The following CCDC148 variants were observed in gnomAD, a reference collection of about 807,000 sequenced individuals.
CCDC148 encodes coiled-coil domain-containing protein 148.
Under a neutral mutation model 85.7 loss-of-function variants are expected in CCDC148, and 89 were observed. The observed-to-expected ratio is 1.04, with a 90% CI of 0.87 to 1.24. CCDC148 has a LOEUF of 1.24. CCDC148 is among the 50% of genes most tolerant of loss of function. The pLI is 0.00. For missense variants in CCDC148, 692 were observed against 671.7 expected (o/e 1.03, Z -0.33); for synonymous variants, 230 against 213.9 (o/e 1.08, Z -0.66).
intron 3 of CCDC148, among the ~76,000 whole-genome samples, chr2:158,342,003 T>G (rs923274618): frequency 1.3e-5 from 2 of 149,480 alleles, no homozygotes; most frequent in South Asian, 4.2e-4. Context: ...TTCCATTTTA[T>G]GTACGTGTCA....
chr2:158,440,368 C>CTGTACATAAAA (rs1687879499), intron 1 of CCDC148, among the ~76,000 whole-genome samples: 1 of 152,076 alleles, frequency 6.6e-6, no homozygotes, highest in Admixed American at 6.5e-5. Flanking sequence ...TCCAAAAAAA[C>CTGTACATAAAA]TGTACATAAA....
At chr2:158,227,511 C>G (rs967621478) in intron 10 of CCDC148, among the ~76,000 whole-genome samples, 4 of 152,076 alleles carry the variant, frequency 2.6e-5, no homozygotes, top group African/African-American at 9.7e-5. Flanking sequence ...CAATCCTAAG[C>G]CAAAAGAACA....
chr2:158,230,947 G>C (rs898521184), intron 10 of CCDC148, among the ~76,000 whole-genome samples: 22 of 152,242 alleles, frequency 1.4e-4, no homozygotes, highest in Admixed American at 3.3e-4. Flanking sequence ...GGTGATACTA[G>C]TAACTGAGAT....
chr2:158,287,070 A>C (rs910249857), intron 9 of CCDC148, among the ~76,000 whole-genome samples: 28 of 152,166 alleles, frequency 1.8e-4, no homozygotes, highest in African/African-American at 6.8e-4. Flanking sequence ...AAAATCAGGA[A>C]GAAGCAAAAG....
chr2:158,385,244 C>T (rs974898002), intron 1 of CCDC148, among the ~76,000 whole-genome samples: 3 of 152,138 alleles, frequency 2.0e-5, no homozygotes, highest in Non-Finnish European at 2.9e-5. Flanking sequence ...GATCAACTAT[C>T]AGGAACCTTA....
At position 158,340,597 on chromosome 2, in the gene CCDC148, C is replaced by A; in HGVS notation, c.334+1G>T. Reference sequence around the variant, plus strand: ...TAAATATAGGATCAAAAAAATCTTACCAAAATTTGTAAGGTCACAAAGACA... The same window carrying A: ...TAAATATAGGATCAAAAAAATCTTAACAAAATTTGTAAGGTCACAAAGACA... On this transcript the variant is annotated splice_donor_variant, in intron 4 of 13. Coordinates refer to ENST00000283233, the MANE Select transcript of CCDC148 (RefSeq NM_138803.4). LOFTEE classifies it high-confidence loss of function. 8 of 1,575,280 alleles carry A rather than the reference C, an allele frequency of 5.1e-6. No homozygotes were observed. Among genetic ancestry groups the A allele is most frequent in the Non-Finnish European group, 6.9e-6 (8 of 1,158,922 alleles).
At chr2:158,369,844 C>T (rs894548024) in intron 1 of CCDC148, among the ~76,000 whole-genome samples, 3 of 152,084 alleles carry the variant, frequency 2.0e-5, no homozygotes, top group African/African-American at 7.2e-5. Flanking sequence ...AGGTATGTTT[C>T]ATCAATACAT....
chr2:158,362,463 G>T (rs932989772), intron 1 of CCDC148, among the ~76,000 whole-genome samples: 1 of 149,370 alleles, frequency 6.7e-6, no homozygotes, highest in Non-Finnish European at 1.5e-5. Flanking sequence ...GGATATTATA[G>T]CAGTCTCTCA....
chr2:158,179,893 C>T (rs1558960869), intron 11 of CCDC148, among the ~76,000 whole-genome samples: 1 of 152,114 alleles, frequency 6.6e-6, no homozygotes, highest in Admixed American at 6.5e-5. Flanking sequence ...TATTTCCAAC[C>T]CCCTTAAAAT....
intron 11 of CCDC148, among the ~76,000 whole-genome samples, chr2:158,191,492 C>T (rs188444536): frequency 1.8e-4 from 27 of 152,060 alleles, no homozygotes; most frequent in Admixed American, 1.5e-3. Context: ...CAAACGCCTT[C>T]GGGGTTTTTT....
At chr2:158,395,864 T>C (rs1397597473) in intron 1 of CCDC148, among the ~76,000 whole-genome samples, 1 of 152,132 alleles carries the variant, frequency 6.6e-6, no homozygotes, top group Non-Finnish European at 1.5e-5. Flanking sequence ...TTAAATAAAA[T>C]AGCTATACAA....
At chr2:158,456,066 G>A (rs1688685406) in intron 1 of CCDC148, among the ~76,000 whole-genome samples, 1 of 152,178 alleles carries the variant, frequency 6.6e-6, no homozygotes, top group African/African-American at 2.4e-5. Flanking sequence ...GAAAGAACAT[G>A]CACCTGTCAA....
intron 1 of CCDC148, among the ~76,000 whole-genome samples, chr2:158,453,803 G>A (rs753898642): frequency 6.6e-6 from 1 of 152,172 alleles, no homozygotes; most frequent in Non-Finnish European, 1.5e-5. Context: ...AAAGTTGTTT[G>A]GATTTCTGCT....
chr2:158,456,416 T>C lies in CCDC148; in HGVS notation c.24A>G (p.Pro8=). Reference sequence around the variant, plus strand: ...GGAAGGGATGGGGTGCAAACTCACCTGGAGAAGCAGAAGCTGCACACATGT... The same window carrying C: ...GGAAGGGATGGGGTGCAAACTCACCCGGAGAAGCAGAAGCTGCACACATGT... The part of the protein sequence containing the change: MCAASAS[P]DNLVFHMKNE... Residue 8 remains proline (P), a splice_region_variant and synonymous_variant, in exon 1 of 14, where the codon CCA becomes CCG. Transcript: ENST00000283233. 6 of 1,611,696 alleles carry C rather than the reference T, an allele frequency of 3.7e-6. No homozygotes were observed. The highest frequency in any genetic ancestry group is 5.1e-6 in the Non-Finnish European group (6 of 1,179,046).
intron 9 of CCDC148, among the ~76,000 whole-genome samples, chr2:158,302,911 G>C (rs1691513188): frequency 6.6e-6 from 1 of 152,112 alleles, no homozygotes; most frequent in Non-Finnish European, 1.5e-5. Flanking sequence ...GGAAAACTTG[G>C]GGGATCAAAG....
chr2:158,231,519 T>C (rs1687856026), intron 10 of CCDC148, among the ~76,000 whole-genome samples: 1 of 152,162 alleles, frequency 6.6e-6, no homozygotes, highest in Admixed American at 6.6e-5. Context: ...CTGCCTTGCC[T>C]TATTGCTTGG....
intron 9 of CCDC148, among the ~76,000 whole-genome samples, chr2:158,293,323 C>A (rs577468810): frequency 1.3e-5 from 2 of 152,318 alleles, no homozygotes; most frequent in Admixed American, 6.5e-5. Context: ...AGCCAACACA[C>A]CTTACACTTG....
At chr2:158,362,068 CAA>C (rs1369510620) in intron 1 of CCDC148, among the ~76,000 whole-genome samples, 4 of 147,614 alleles carry the variant, frequency 2.7e-5, no homozygotes, top group Non-Finnish European at 6.0e-5. Context: ...CAACAAAAAT[CAA>C]AAGAGACAAG....
intron 10 of CCDC148, among the ~76,000 whole-genome samples, chr2:158,223,044 G>C (rs1687276291): frequency 6.6e-6 from 1 of 152,314 alleles, no homozygotes; most frequent in Admixed American, 6.5e-5. Context: ...GAAGCACAAG[G>C]GGTCAGGGAA....
Sources: allele counts gnomAD v4.1 joint callset (sites outside exome capture counted in the v4.1 genomes callset), GRCh38; gene constraint gnomAD v4.1.1; transcripts MANE v1.5; gene names NCBI Gene and HGNC (gene_info 2026-07-23, HGNC 2026-07-21).